The following SAP130 variants were observed in gnomAD, a reference collection of about 807,000 sequenced individuals.
SAP130 encodes the protein histone deacetylase complex subunit SAP130.
Under a neutral mutation model 103.2 loss-of-function variants are expected in SAP130, and 16 were observed. The ratio of observed to expected loss-of-function variants is 0.16; its 90% CI spans 0.10 to 0.24. SAP130 has a LOEUF of 0.24. Among genes scored for constraint, SAP130 ranks in the 10% least tolerant of loss-of-function variants. The pLI is 1.00. For missense variants in SAP130, 990 were observed against 1,359.7 expected (o/e 0.73, Z 4.28); for synonymous variants, 477 against 497.0 (o/e 0.96, Z 0.53).
At chr2:128,015,625 A>C (rs991759359) in intron 4 of SAP130, among the ~76,000 whole-genome samples, 2 of 152,174 alleles carry the variant, frequency 1.3e-5, no homozygotes, top group Admixed American at 6.5e-5. Context: ...AAAAACCTTA[A>C]AACAGAAGAC....
intron 14 of SAP130, among the ~76,000 whole-genome samples, chr2:127,978,356 C>T (rs1340770208): frequency 6.6e-6 from 1 of 152,146 alleles, no homozygotes. Flanking sequence ...AGGAAGCAAC[C>T]ATTGTGACTC....
intron 19 of SAP130, among the ~76,000 whole-genome samples, chr2:127,943,350 C>T (rs1405788938): frequency 6.6e-6 from 1 of 152,204 alleles, no homozygotes; most frequent in Non-Finnish European, 1.5e-5. Context: ...AGATCCAACA[C>T]TGGATGGATA....
chr2:128,016,758 T>C (rs1684817518), intron 3 of SAP130, among the ~76,000 whole-genome samples: 1 of 152,208 alleles, frequency 6.6e-6, no homozygotes, highest in Non-Finnish European at 1.5e-5. Context: ...CAAGGCTAAC[T>C]GACTTGCTCA....
intron 10 of SAP130, among the ~76,000 whole-genome samples, chr2:127,998,331 A>G (rs1165668840): frequency 6.6e-6 from 1 of 152,214 alleles, no homozygotes; most frequent in Non-Finnish European, 1.5e-5. Context: ...ATTGGAATAG[A>G]GGCAAAAACC....
chr2:127,948,399 G>A (rs1359043521), intron 18 of SAP130, among the ~76,000 whole-genome samples: 1 of 147,682 alleles, frequency 6.8e-6, no homozygotes, highest in South Asian at 2.2e-4. Context: ...GGTAGCGGTG[G>A]TGCGATCTTG....
chr2:128,016,151 G>A (rs1186196746), intron 4 of SAP130, among the ~76,000 whole-genome samples: 1 of 151,874 alleles, frequency 6.6e-6, no homozygotes, highest in Admixed American at 6.6e-5. Context: ...CACTAGGGTC[G>A]AATCGAGCAT....
At chr2:127,944,963 T>A (rs1190967956) in intron 19 of SAP130, among the ~76,000 whole-genome samples, 2 of 147,212 alleles carry the variant, frequency 1.4e-5, no homozygotes, top group Non-Finnish European at 3.0e-5. Flanking sequence ...GGTCTCTGAA[T>A]GATGATGTGT....
chr2:127,955,417 G>T lies in SAP130; in HGVS notation c.2064-73C>A. On this transcript the variant is annotated intron_variant, in intron 15 of 20. Transcript: ENST00000643581. This position sits in a 1 kb window ranked among gnomAD's most constrained non-coding sequence, Gnocchi z 4.9. ...CTTCATCTACAACATCTCAGAGGAT[G>T]AGTATTTGTCCAATTATTTCTGTCC... 1 of 924,720 alleles carries T rather than the reference G, an allele frequency of 1.1e-6. No homozygotes were observed. Among genetic ancestry groups the T allele is most frequent in the African/African-American group, 1.7e-5 (1 of 60,304 alleles). 57.3% of individuals were successfully genotyped at this position (924,720 alleles called of 1,614,324 possible). A position where few individuals can be genotyped will look rare whatever the true frequency, so the allele number is the denominator to read the frequency against.
At chr2:127,994,278 C>G (rs1188326937) in intron 11 of SAP130, among the ~76,000 whole-genome samples, 2 of 152,176 alleles carry the variant, frequency 1.3e-5, no homozygotes, top group Non-Finnish European at 2.9e-5. Context: ...TGCCTGCTAT[C>G]CTAGCACTTT....
Position 127,974,694 on chromosome 2 carries a change from T to C in SAP130, c.2063+3291A>G, listed in dbSNP as rs538225892. On this transcript the variant is annotated intron_variant, in intron 15 of 20. Coordinates refer to ENST00000643581, the MANE Select transcript of SAP130 (RefSeq NM_001330301.2). ...CAGGCATGGTGGTGCATGCCTGTAA[T>C]CCCAGCTACTCGGGAGGCTGAGGCA... 2.0e-5 allele frequency among the ~76,000 whole-genome samples: 3 copies of C among 152,194 alleles called. 1 individual carries two copies. The East Asian group carries it at 5.8e-4, about 29-fold the overall frequency.
At chr2:127,978,639 A>C (rs1330410174) in intron 14 of SAP130, among the ~76,000 whole-genome samples, 1 of 152,128 alleles carries the variant, frequency 6.6e-6, no homozygotes, top group Non-Finnish European at 1.5e-5. Flanking sequence ...GAGTGGTGGG[A>C]ACAAATACCA....
rs78316540 is a variant in SAP130 at position 127,988,562 on chromosome 2, A to T, written c.1780+1002T>A. Among the ~76,000 whole-genome samples the T allele has an allele frequency of 2.6e-5, 4 of 152,242 alleles. No homozygotes were observed. The East Asian group carries it at 7.7e-4, about 29-fold the overall frequency. ...AATCTTAAATTCAGCCAAAAAAAAA[A>T]TAACCTAGCTGGTGTAATGACTCAT... On this transcript the variant is annotated intron_variant, in intron 13 of 20. Coordinates refer to ENST00000643581, the MANE Select transcript of SAP130 (RefSeq NM_001330301.2).
At chr2:128,027,501 C>A (rs910232995) in intron 1 of SAP130, among the ~76,000 whole-genome samples, 3 of 152,094 alleles carry the variant, frequency 2.0e-5, no homozygotes, top group Admixed American at 6.5e-5. Context: ...ACAGGCGCCC[C>A]CGGCGAAGGG....
At chr2:127,974,659 C>A (rs1681328548) in intron 15 of SAP130, among the ~76,000 whole-genome samples, 1 of 151,860 alleles carries the variant, frequency 6.6e-6, no homozygotes, top group South Asian at 2.1e-4. Context: ...ACTAAAAATA[C>A]AAAATCAGCC....
chr2:128,024,600 C>A (rs914117382), intron 2 of SAP130, among the ~76,000 whole-genome samples: 2 of 151,950 alleles, frequency 1.3e-5, no homozygotes, highest in Non-Finnish European at 2.9e-5. Flanking sequence ...GTGGCTCATG[C>A]CTGTAATCCC....
At chr2:127,966,282 T>C (rs543230035) in intron 15 of SAP130, among the ~76,000 whole-genome samples, 27 of 150,254 alleles carry the variant, frequency 1.8e-4, no homozygotes, top group East Asian at 1.6e-3. Flanking sequence ...GAGGTGGAGG[T>C]TGCAGTGAGC....
chr2:127,974,286 A>G (rs1681298247), intron 15 of SAP130, among the ~76,000 whole-genome samples: 2 of 152,212 alleles, frequency 1.3e-5, no homozygotes, highest in African/African-American at 4.8e-5. Context: ...GCTTCTGAAT[A>G]GCCCACAAGG....
intron 8 of SAP130, 48 bp from the exon 9 acceptor site, chr2:128,000,194 G>A (rs1235961607): frequency 5.6e-6 from 9 of 1,608,414 alleles, no homozygotes; most frequent in East Asian, 4.5e-5. Flanking sequence ...TATCCACTGC[G>A]TCCAGGGTAA....
chr2:127,951,785 C>A (rs1380216126), intron 16 of SAP130, among the ~76,000 whole-genome samples: 1 of 152,228 alleles, frequency 6.6e-6, no homozygotes, highest in Non-Finnish European at 1.5e-5. Flanking sequence ...ACAACCCTAT[C>A]TGTTAAGTCC....
Sources: allele counts gnomAD v4.1 joint callset (sites outside exome capture counted in the v4.1 genomes callset), GRCh38; gene constraint gnomAD v4.1.1; non-coding constraint Gnocchi (gnomAD v3.1); transcripts MANE v1.5; gene names NCBI Gene and HGNC (gene_info 2026-07-23, HGNC 2026-07-21).